MTPAP: variants seen among roughly 807,000 people sequenced by gnomAD.
MTPAP encodes mitochondrial poly(A) polymerase, also known as poly(A) RNA polymerase, mitochondrial.
MTPAP carries 23 observed loss-of-function variants against 48.7 expected under a neutral mutation model. The observed-to-expected ratio is 0.47, with a 90% CI of 0.34 to 0.67. MTPAP has a LOEUF of 0.67. Ranked by LOEUF, MTPAP falls within the 30% of genes least tolerant of loss-of-function variation. The pLI, the probability that MTPAP is intolerant of heterozygous loss-of-function variation, is 0.01. For synonymous variants in MTPAP, 257 were observed against 254.1 expected (o/e 1.01, Z -0.11); for missense variants, 614 against 694.3 (o/e 0.88, Z 1.30).
At position 30,313,825 on chromosome 10, in the gene MTPAP, C is replaced by G. The variant is rs199956765; in HGVS notation, c.1533G>C (p.Gln511His). 56 of 1,614,186 alleles carry G rather than the reference C, an allele frequency of 3.5e-5. No homozygotes were observed. The Admixed American group carries it at 6.8e-4, about 20-fold the overall frequency. The change falls in exon 9 of 9, where the codon CAG becomes CAC. Residue 511 changes from glutamine (Q) to histidine (H), a missense_variant. By Grantham distance (24) the Gln-to-His change is conservative. Transcript: ENST00000263063. ...ATATGGAAGGTCGATCTGTATCTTC[C>G]TGTTGTAAAATCCAGGCACTTTCTC... ...LARESAWILQ[Q>H]EDTDRPSISS... is the part of the protein sequence containing the mutation.
At chr10:30,315,856 A>C in intron 8 of MTPAP, 107 bp downstream of exon 8, 1 of 1,243,688 alleles carries the variant, frequency 8.0e-7, no homozygotes, top group Non-Finnish European at 1.1e-6. Context: ...AAATTACTAC[A>C]CAAAAGAAAT....
chr10:30,347,433 C>T (rs777322937), intron 1 of MTPAP, among the ~76,000 whole-genome samples: 82 of 152,290 alleles, frequency 5.4e-4, no homozygotes, highest in Middle Eastern at 3.4e-3. Context: ...ACTTAACTGT[C>T]CTTCTTTAAA....
intron 4 of MTPAP, among the ~76,000 whole-genome samples, chr10:30,334,967 A>T (rs1379192186): frequency 6.6e-6 from 1 of 152,258 alleles, no homozygotes; most frequent in Non-Finnish European, 1.5e-5. Flanking sequence ...ACTTAGAAGC[A>T]GAATTAAAAG....
At chr10:30,336,158 A>G (rs143358549) in intron 4 of MTPAP, among the ~76,000 whole-genome samples, 53 of 152,340 alleles carry the variant, frequency 3.5e-4, no homozygotes, top group African/African-American at 1.3e-3. Context: ...GTAAAAGCAT[A>G]CTGCTATTTA....
intron 5 of MTPAP, among the ~76,000 whole-genome samples, chr10:30,324,967 C>G (rs959429462): frequency 6.8e-6 from 1 of 147,396 alleles, no homozygotes; most frequent in African/African-American, 2.5e-5. Context: ...CTCTAGCCTA[C>G]GCGACAGAGC....
intron 6 of MTPAP, among the ~76,000 whole-genome samples, chr10:30,321,067 T>C (rs1052030963): frequency 6.6e-6 from 1 of 152,140 alleles, no homozygotes; most frequent in African/African-American, 2.4e-5. Flanking sequence ...ACTACTCCAA[T>C]AACACCTGAC....
chr10:30,328,371 T>A (rs1045596771), intron 4 of MTPAP, among the ~76,000 whole-genome samples: 1 of 152,236 alleles, frequency 6.6e-6, no homozygotes, highest in Non-Finnish European at 1.5e-5. Flanking sequence ...AGGGACATAC[T>A]TCTTGTAGAA....
At chr10:30,345,174 T>C (rs1322063126) in intron 1 of MTPAP, among the ~76,000 whole-genome samples, 1 of 152,248 alleles carries the variant, frequency 6.6e-6, no homozygotes, top group African/African-American at 2.4e-5. Context: ...TGAAATTTAC[T>C]GAAATCTTAC....
chr10:30,321,905 A>C (rs563326817), intron 6 of MTPAP, among the ~76,000 whole-genome samples: 22 of 152,354 alleles, frequency 1.4e-4, no homozygotes, highest in African/African-American at 5.3e-4. Flanking sequence ...TTTATAATAC[A>C]AACAATATAG....
chr10:30,340,844 AAG>A, intron 2 of MTPAP, among the ~76,000 whole-genome samples: 1 of 152,206 alleles, frequency 6.6e-6, no homozygotes, highest in Non-Finnish European at 1.5e-5. Context: ...GCTTGAACCC[AAG>A]AGACGGAGGT....
At chr10:30,317,351 T>C (rs1242781286) in intron 6 of MTPAP, among the ~76,000 whole-genome samples, 1 of 152,194 alleles carries the variant, frequency 6.6e-6, no homozygotes, top group Non-Finnish European at 1.5e-5. Context: ...CGACACAAAC[T>C]GAATGCTAAC....
rs146265497 is a variant in MTPAP, at chr10:30,341,274, T to A, written c.330+194A>T. On this transcript the variant is annotated intron_variant, in intron 2 of 8. Coordinates refer to ENST00000263063, the MANE Select transcript of MTPAP (RefSeq NM_018109.4). ...AATGAAATCAGTCATAAATGACTTA[T>A]AATCCTAAAATACCGCTATAAGAAT... is the stretch of plus-strand genomic sequence containing the variant. Among the ~76,000 whole-genome samples the A allele has an allele frequency of 1.1e-3, 161 of 152,302 alleles. 2 individuals carry two copies. The highest frequency in any genetic ancestry group is 3.7e-3 in the African/African-American group (154 of 41,580).
At chr10:30,340,149 T>G in intron 3 of MTPAP, 77 bp downstream of exon 3, 3 of 1,217,340 alleles carry the variant, frequency 2.5e-6, no homozygotes, top group Non-Finnish European at 3.6e-6. Flanking sequence ...TAATGTAGCT[T>G]GAACATTTTA....
intron 3 of MTPAP, among the ~76,000 whole-genome samples, chr10:30,338,104 A>C (rs553928396): frequency 6.6e-6 from 1 of 151,994 alleles, no homozygotes; most frequent in Admixed American, 6.6e-5. Context: ...CCAAAAAAAA[A>C]AATACAAAAA....
At chr10:30,340,656 C>G (rs990262448) in intron 2 of MTPAP, among the ~76,000 whole-genome samples, 1 of 152,152 alleles carries the variant, frequency 6.6e-6, no homozygotes, top group Non-Finnish European at 1.5e-5. Context: ...CAGTGGCTCA[C>G]GCTTGTAATC....
At chr10:30,342,440 T>C (rs1038503606) in intron 1 of MTPAP, among the ~76,000 whole-genome samples, 1 of 151,974 alleles carries the variant, frequency 6.6e-6, no homozygotes, top group African/African-American at 2.4e-5. Context: ...TACTGCACTT[T>C]CAGTGTTCGT....
Position 30,313,610 on chromosome 10 carries a change from C to A in MTPAP, c.1748G>T (p.Ter583LeuextTer11). The A allele has an allele frequency of 6.2e-7, 1 of 1,614,230 alleles. No homozygotes were observed. The highest frequency in any genetic ancestry group is 1.7e-5 in the Admixed American group (1 of 60,034). The stretch of plus-strand genomic sequence containing the variant: ...GTTCTTTACACAATGTAGCAGCCAT[C>A]ATGTCTGAGTACTAATTGTTCTCTT... ...SGKRTISTQT[*>L] is the part of the protein sequence containing the mutation. The change falls in exon 9 of 9, where the codon TGA becomes TTA. Residue 583 changes from the stop codon to leucine, a stop_lost. Coordinates refer to ENST00000263063, the MANE Select transcript of MTPAP (RefSeq NM_018109.4).
intron 1 of MTPAP, among the ~76,000 whole-genome samples, chr10:30,346,427 G>C (rs140484495): frequency 6.6e-6 from 1 of 152,184 alleles, no homozygotes; most frequent in African/African-American, 2.4e-5. Context: ...GATAAAGAGA[G>C]GATTTACAGC....
chr10:30,327,152 A>G (rs1376416146), intron 4 of MTPAP, among the ~76,000 whole-genome samples: 1 of 152,064 alleles, frequency 6.6e-6, no homozygotes, highest in East Asian at 1.9e-4. Context: ...TCAACAAATG[A>G]GTTAAGTGGC....
Sources: gnomAD v4.1 joint callset for allele counts (sites outside exome capture counted in the v4.1 genomes callset) on GRCh38, gnomAD v4.1.1 for gene constraint, MANE v1.5 for transcripts, NCBI Gene and HGNC (gene_info 2026-07-23, HGNC 2026-07-21) for gene names.